MUC5AC: variants seen among roughly 807,000 people sequenced by gnomAD.
The protein encoded by MUC5AC is mucin 5AC, oligomeric mucus/gel-forming.
Under a neutral mutation model 169.7 loss-of-function variants are expected in MUC5AC, and 158 were observed. The ratio of observed to expected loss-of-function variants is 0.93; its 90% CI spans 0.82 to 1.06. MUC5AC has a LOEUF of 1.06. MUC5AC is among the 50% of genes least tolerant of loss of function. MUC5AC has a pLI of 0.00. For missense variants in MUC5AC, 4,359 were observed against 3,089.9 expected (o/e 1.41, Z -9.74); for synonymous variants, 1,975 against 1,237.0 (o/e 1.60, Z -12.52).
rs1253652309 is a variant in MUC5AC, at chr11:1,189,652, C to A, written c.11507C>A (p.Thr3836Lys). The A allele has an allele frequency of 7.0e-5, 44 of 628,536 alleles. No individual in the cohort carries two copies. In the African/African-American group the frequency reaches 7.7e-4, roughly 11 times the overall value. 38.9% of individuals were successfully genotyped at this position (628,536 alleles called of 1,614,324 possible). The change falls in exon 31 of 49, where the codon ACA becomes AAA. Residue 3836 changes from threonine to lysine, a missense_variant. Thr to Lys is a moderately conservative substitution (Grantham distance 78, BLOSUM62 -1). Transcript: ENST00000621226. ...SPTTSTTSAP[T>K]TSTTSAPTTS... is the part of the protein sequence containing the mutation. The stretch of plus-strand genomic sequence containing the variant: ...ACAACTAGCACAACCTCAGCTCCTA[C>A]AACCAGCACAACTTCTGCCCCTACA...
chr11:1,173,213 C>A (rs898930670), intron 16 of MUC5AC, among the ~76,000 whole-genome samples: 1 of 151,794 alleles, frequency 6.6e-6, no homozygotes, highest in Non-Finnish European at 1.5e-5. Context: ...CATTTACTCA[C>A]TCATTCACGA....
At chr11:1,172,850 C>CCACCCATTCACCCACTCACT in intron 16 of MUC5AC, among the ~76,000 whole-genome samples, 1 of 141,804 alleles carries the variant, frequency 7.1e-6, no homozygotes, top group East Asian at 2.3e-4. Context: ...ACCCACTCAT[C>CCACCCATTCACCCACTCACT]CACCCATTCA....
At position 1,190,555 on chromosome 11, in the gene MUC5AC, C is replaced by T. The variant is rs1449827908; in HGVS notation, c.12410C>T (p.Thr4137Met). The T allele has an allele frequency of 0.17, 116,392 of 691,198 alleles. 10,240 individuals carry two copies. Among genetic ancestry groups the T allele is most frequent in the African/African-American group, 0.27 (15,060 of 56,370 alleles). 42.8% of individuals were successfully genotyped at this position (691,198 alleles called of 1,614,324 possible). The change falls in exon 31 of 49, where the codon ACG becomes ATG. Residue 4137 changes from threonine (T) to methionine (M), a missense_variant. By Grantham distance (81) the Thr-to-Met change is moderately conservative (BLOSUM62 -1). Coordinates refer to ENST00000621226, the MANE Select transcript of MUC5AC (RefSeq NM_001304359.2). ...TSTTSAPTTS[T>M]TSAPTHRTTS... ...ACAACCTCTGCCCCTACAACCAGCA[C>T]GACCTCAGCTCCTACACACAGAACG...
At position 1,177,094 on chromosome 11, in the gene MUC5AC, G is replaced by T. The variant is rs1483381070; in HGVS notation, c.2793+28G>T. On this transcript the variant is annotated intron_variant, in intron 22 of 48. Transcript: ENST00000621226. ...GAGCCGGCGCGTTTGGGGTCCTCAC[G>T]GCGGCCCCCGTGGCCCGAAGCTGCT... 3 of 398,608 alleles carry T rather than the reference G, an allele frequency of 7.5e-6. No individual in the cohort carries two copies. In the East Asian group the frequency reaches 1.1e-4, roughly 14 times the overall value. 24.7% of individuals were successfully genotyped at this position (398,608 alleles called of 1,614,324 possible). A position where few individuals can be genotyped will look rare whatever the true frequency, so the allele number is the denominator to read the frequency against.
At position 1,164,253 on chromosome 11, in the gene MUC5AC, G is replaced by T. The variant is rs1244769281; in HGVS notation, c.937G>T (p.Glu313Ter). 1 of 1,612,646 alleles carries T rather than the reference G, an allele frequency of 6.2e-7. No homozygotes were observed. The highest frequency in any genetic ancestry group is 8.5e-7 in the Non-Finnish European group (1 of 1,179,878). ...CAGCTGCGTCTGCCACACCCTTGCCGAGTACTCCCGGCAGTGCACCCATGC... is the reference window on the plus strand; with the variant it reads ...CAGCTGCGTCTGCCACACCCTTGCCTAGTACTCCCGGCAGTGCACCCATGC... ...LLSCVCHTLA[E>*]YSRQCTHAGG... Residue 313 changes from glutamate to a stop codon, truncating the protein, a stop_gained, in exon 8 of 49, where the codon GAG becomes TAG. Coordinates refer to ENST00000621226, the MANE Select transcript of MUC5AC (RefSeq NM_001304359.2). LOFTEE classifies it high-confidence loss of function.
In MUC5AC at chr11:1,198,911, G is replaced by A. The variant is rs748246537; in HGVS notation, c.16211G>A (p.Cys5404Tyr). Residue 5404 changes from cysteine (C) to tyrosine (Y), a missense_variant, in exon 44 of 49, where the codon TGC becomes TAC. Cys to Tyr is a radical substitution (Grantham distance 194). Transcript: ENST00000621226. ...GTCTCCTCGAGCCTGTGCGAAACCT[G>A]CAGGTGTGAGCTGCCGGGTGGCCCC... ...AVVSSSLCET[C>Y]RCELPGGPPS... is the part of the protein sequence containing the mutation. 1.3e-6 allele frequency: 1 copy of A among 759,066 alleles called. No homozygotes were observed. Among genetic ancestry groups the A allele is most frequent in the Non-Finnish European group, 2.4e-6 (1 of 415,510 alleles). 47.0% of individuals were successfully genotyped at this position (759,066 alleles called of 1,614,324 possible).
At position 1,175,800 on chromosome 11, in the gene MUC5AC, C is replaced by CCATTCATGCACACA. The variant is rs1590141008; in HGVS notation, c.2402-349_2402-348insTTCATGCACACACA. On this transcript the variant is annotated intron_variant, in intron 19 of 48. Transcript: ENST00000621226. ...CACCCACATGCACACGCACTCACAC[C>CCATTCATGCACACA]CACCCACTCATGCACACCACACCCA... Among the ~76,000 whole-genome samples, 7 of 34,154 alleles carry CCATTCATGCACACA rather than the reference C, an allele frequency of 2.0e-4. No individual in the cohort carries two copies. In the East Asian group the frequency reaches 0.045, roughly 219 times the overall value. The allele number at this position is 34,154 out of a possible 152,430, so 22.4% of individuals were successfully genotyped here. A position where few individuals can be genotyped will look rare whatever the true frequency, so the allele number is the denominator to read the frequency against.
Position 1,192,771 on chromosome 11 carries a change from T to C in MUC5AC, c.14381-12T>C. 1.3e-6 allele frequency: 1 copy of C among 750,284 alleles called. No individual in the cohort carries two copies. 46.5% of individuals were successfully genotyped at this position (750,284 alleles called of 1,614,324 possible). On this transcript the variant is annotated splice_polypyrimidine_tract_variant and intron_variant, in intron 31 of 48. Coordinates refer to ENST00000621226, the MANE Select transcript of MUC5AC (RefSeq NM_001304359.2). Reference sequence around the variant, plus strand: ...ACTCCACTAAAGGCTGCCATGTCCCTTCCTCTTACAGGATCCACCATATAC... The same window carrying C: ...ACTCCACTAAAGGCTGCCATGTCCCCTCCTCTTACAGGATCCACCATATAC...
At chr11:1,162,757 G>T in intron 5 of MUC5AC, 111 bp downstream of exon 5, 1 of 1,102,898 alleles carries the variant, frequency 9.1e-7, no homozygotes, top group Non-Finnish European at 1.4e-6. Flanking sequence ...GTCAGGGTCA[G>T]ACTCCACCCC....
chr11:1,165,592 C>T lies in MUC5AC; in HGVS notation c.1248-30C>T, dbSNP rs757185181. 8 of 1,609,762 alleles carry T rather than the reference C, an allele frequency of 5.0e-6. No individual in the cohort carries two copies. In the African/African-American group the frequency reaches 6.7e-5, roughly 13 times the overall value. On this transcript the variant is annotated intron_variant, in intron 10 of 48. Coordinates refer to ENST00000621226, the MANE Select transcript of MUC5AC (RefSeq NM_001304359.2). ...CTGGAGGCTGGTCTCCTGGGGCCGG[C>T]ACCCACGTGGCACCATCTCTTGCTC...
At chr11:1,177,993 A>G (rs1860727463) in intron 24 of MUC5AC, among the ~76,000 whole-genome samples, 5 of 152,178 alleles carry the variant, frequency 3.3e-5, no homozygotes. Flanking sequence ...CTGTGGCCAC[A>G]TCACTTGGAT....
rs751857308 is a variant in MUC5AC at position 1,196,379 on chromosome 11, T to G, written c.15638-9T>G. The G allele has an allele frequency of 5.2e-6, 4 of 764,210 alleles. No individual in the cohort carries two copies. Among genetic ancestry groups the G allele is most frequent in the Admixed American group, 1.7e-5 (1 of 58,960 alleles). 47.3% of individuals were successfully genotyped at this position (764,210 alleles called of 1,614,324 possible). A position where few individuals can be genotyped will look rare whatever the true frequency, so the allele number is the denominator to read the frequency against. ...CCACCCTCTCAGGTGTGGCTTCCCC[T>G]CCCCACAGCATTCACCTGCCCAGCC... On this transcript the variant is annotated splice_polypyrimidine_tract_variant and intron_variant, in intron 37 of 48. Coordinates refer to ENST00000621226, the MANE Select transcript of MUC5AC (RefSeq NM_001304359.2).
rs1554928426 is a variant in MUC5AC at position 1,187,976 on chromosome 11, G to A, written c.9831G>A (p.Pro3277=). Residue 3277 remains proline, a synonymous_variant, in exon 31 of 49, where the codon CCG becomes CCA. Transcript: ENST00000621226. ...TRLQCRAESH[P]EVSIEHLGQV... Reference sequence around the variant, plus strand: ...TCCAGTGCCGAGCCGAGAGCCACCCGGAGGTGAGCATTGAACACCTGGGCC... The same window carrying A: ...TCCAGTGCCGAGCCGAGAGCCACCCAGAGGTGAGCATTGAACACCTGGGCC... The A allele has an allele frequency of 0.025, 19,001 of 755,536 alleles. 374 individuals carry two copies. The highest frequency in any genetic ancestry group is 0.031 in the Non-Finnish European group (12,616 of 411,726). 46.8% of individuals were successfully genotyped at this position (755,536 alleles called of 1,614,324 possible). A position where few individuals can be genotyped will look rare whatever the true frequency, so the allele number is the denominator to read the frequency against.
chr11:1,175,931 A>T (rs1272087942), intron 19 of MUC5AC, among the ~76,000 whole-genome samples: 1 of 92,644 alleles, frequency 1.1e-5, no homozygotes, highest in Non-Finnish European at 2.4e-5. Context: ...ATGCACACAC[A>T]CTCATACTCA....
chr11:1,192,759 C>T (rs113034230), intron 31 of MUC5AC, 24 bp from the exon 32 acceptor site: 4 of 742,944 alleles, frequency 5.4e-6, no homozygotes. Context: ...CCACTAAAGG[C>T]TGCCATGTCC....
chr11:1,165,052 G>C (rs377191526), intron 9 of MUC5AC, among the ~76,000 whole-genome samples: 654 of 107,568 alleles, frequency 6.1e-3, no homozygotes, highest in African/African-American at 0.017. Flanking sequence ...TGAGGCCCCT[G>C]TCCTGGGCCC....
chr11:1,186,225 T>G lies in MUC5AC; in HGVS notation c.8080T>G (p.Ser2694Ala). ...CTCTGCTTCTACAACCAGCACAACC[T>G]CTGGTCCTGGAACTACTCCCAGCCC... Reference protein sequence around the residue: ...TTSASTTSTTSGPGTTPSPVP... With the variant: ...TTSASTTSTTAGPGTTPSPVP... Residue 2694 changes from serine to alanine, a missense_variant, in exon 31 of 49, where the codon TCT (serine) becomes GCT (alanine). Ser to Ala is a moderately conservative substitution (Grantham distance 99, BLOSUM62 1). Transcript: ENST00000621226. The G allele has an allele frequency of 1.3e-6, 1 of 753,168 alleles. No individual in the cohort carries two copies. Among genetic ancestry groups the G allele is most frequent in the South Asian group, 1.4e-5 (1 of 72,818 alleles). 46.7% of individuals were successfully genotyped at this position (753,168 alleles called of 1,614,324 possible). A position where few individuals can be genotyped will look rare whatever the true frequency, so the allele number is the denominator to read the frequency against.
intron 48 of MUC5AC, 117 bp downstream of exon 48, chr11:1,200,086 G>A (rs1861385236): frequency 3.3e-6 from 2 of 614,986 alleles, no homozygotes; most frequent in East Asian, 5.4e-5. Context: ...CAGGCAAAGG[G>A]CTCTGAGGGT....
rs766063907 is a variant in MUC5AC, at chr11:1,196,476, G to A, written c.15725+1G>A. The A allele has an allele frequency of 1.3e-6, 1 of 765,032 alleles. No individual in the cohort carries two copies. The highest frequency in any genetic ancestry group is 1.3e-5 in the South Asian group (1 of 74,630). 47.4% of individuals were successfully genotyped at this position (765,032 alleles called of 1,614,324 possible). On this transcript the variant is annotated splice_donor_variant, in intron 38 of 48. Transcript: ENST00000621226. LOFTEE classifies it high-confidence loss of function. ...ACGGGAATGACAGCGCCAGCCTCGGGTAGGCACCCTCCCTCCTGGCCCTGC... is the reference window on the plus strand; with the variant it reads ...ACGGGAATGACAGCGCCAGCCTCGGATAGGCACCCTCCCTCCTGGCCCTGC...
Sources: gnomAD v4.1 joint callset for allele counts (sites outside exome capture counted in the v4.1 genomes callset) on GRCh38, gnomAD v4.1.1 for gene constraint, MANE v1.5 for transcripts, NCBI Gene and HGNC (gene_info 2026-07-23, HGNC 2026-07-21) for gene names.